KCND3: variants seen among roughly 807,000 people sequenced by gnomAD.
KCND3 encodes potassium voltage-gated channel subfamily D member 3, also known as A-type voltage-gated potassium channel KCND3.
KCND3 carries 9 observed loss-of-function variants against 51.1 expected under a neutral mutation model. That is an observed-to-expected ratio of 0.18 (90% CI 0.11 to 0.31). The LOEUF (loss-of-function observed/expected upper bound fraction) is 0.31, where lower values mean the gene tolerates loss of function less well. KCND3 is among the 10% of genes least tolerant of loss of function. KCND3 has a pLI of 1.00. For missense variants in KCND3, 526 were observed against 903.8 expected, an observed-to-expected ratio of 0.58 and a Z score of 5.36; for synonymous variants, 349 against 368.0, an observed-to-expected ratio of 0.95 and a Z score of 0.59.
chr1:111,964,349 C>T (rs1456638500), intron 2 of KCND3, among the ~76,000 whole-genome samples: 1 of 152,202 alleles, frequency 6.6e-6, no homozygotes, highest in Non-Finnish European at 1.5e-5. Flanking sequence ...GTACAGCCTC[C>T]CAACCTGCGG....
chr1:111,788,129 G>C (rs1027888714), intron 2 of KCND3, among the ~76,000 whole-genome samples: 2 of 152,184 alleles, frequency 1.3e-5, no homozygotes, highest in African/African-American at 2.4e-5. Flanking sequence ...CTCAGTCTTC[G>C]GCATGCAGGC....
chr1:111,793,049 A>G (rs1250116633), intron 2 of KCND3, among the ~76,000 whole-genome samples: 1 of 151,582 alleles, frequency 6.6e-6, no homozygotes, highest in African/African-American at 2.4e-5. Context: ...TACTTTTTGT[A>G]GAGGTGGGTT....
Position 111,981,512 on chromosome 1 carries a change from G to C in KCND3, c.1106+109C>G. 2.6e-6 allele frequency: 4 copies of C among 1,519,190 alleles called. No individual in the cohort carries two copies. Among genetic ancestry groups the C allele is most frequent in the Non-Finnish European group, 3.6e-6 (4 of 1,097,534 alleles). The allele number at this position is 1,519,190 out of a possible 1,614,324, so 94.1% of individuals were successfully genotyped here. A position where few individuals can be genotyped will look rare whatever the true frequency, so the allele number is the denominator to read the frequency against. ...AACTTCCCCTGCCCCCAACACTTGG[G>C]TAAGGGACTCCCTCCTCCTCTACCC... On this transcript the variant is annotated intron_variant, in intron 2 of 7. Transcript: ENST00000302127. This position sits in a 1 kb window ranked among gnomAD's most constrained non-coding sequence, Gnocchi z 6.2.
At chr1:111,966,222 C>T (rs1403049419) in intron 2 of KCND3, among the ~76,000 whole-genome samples, 2 of 152,228 alleles carry the variant, frequency 1.3e-5, no homozygotes, top group Admixed American at 1.3e-4. Flanking sequence ...ATTCAAATAA[C>T]TCAAGGTAAT....
intron 1 of KCND3, among the ~76,000 whole-genome samples, chr1:111,986,523 G>C (rs1432344800): frequency 6.6e-6 from 1 of 152,204 alleles, no homozygotes; most frequent in Non-Finnish European, 1.5e-5. Flanking sequence ...ATGAGGCCTT[G>C]CAATTCCAGT....
intron 2 of KCND3, among the ~76,000 whole-genome samples, chr1:111,947,930 G>T (rs897173611): frequency 6.6e-6 from 1 of 152,192 alleles, no homozygotes; most frequent in Admixed American, 6.5e-5. Context: ...CTCCAGTGGG[G>T]ACTATGTGTG....
chr1:111,967,832 A>G (rs1674092250), intron 2 of KCND3, among the ~76,000 whole-genome samples: 1 of 152,176 alleles, frequency 6.6e-6, no homozygotes, highest in Non-Finnish European at 1.5e-5. Context: ...GATACTGAGG[A>G]CTAGAGAGAG....
At chr1:111,869,352 C>T (rs72692563) in intron 2 of KCND3, among the ~76,000 whole-genome samples, 3 of 152,304 alleles carry the variant, frequency 2.0e-5, no homozygotes, top group Non-Finnish European at 4.4e-5. Flanking sequence ...GCTTCCTCCT[C>T]ACCTTCATCC....
At chr1:111,891,693 T>C (rs574067666) in intron 2 of KCND3, among the ~76,000 whole-genome samples, 4 of 152,372 alleles carry the variant, frequency 2.6e-5, no homozygotes, top group African/African-American at 7.2e-5. Flanking sequence ...ACAACTAGTA[T>C]GTAGATTCAC....
intron 2 of KCND3, among the ~76,000 whole-genome samples, chr1:111,807,928 G>A (rs895659284): frequency 5.3e-5 from 8 of 152,108 alleles, no homozygotes; most frequent in Non-Finnish European, 5.9e-5. Flanking sequence ...TATAATAAAG[G>A]CAAGCTTGAA....
chr1:111,822,598 T>C (rs1328992414), intron 2 of KCND3, among the ~76,000 whole-genome samples: 1 of 152,230 alleles, frequency 6.6e-6, no homozygotes, highest in Non-Finnish European at 1.5e-5. Context: ...AGTTTGCTTG[T>C]CCATTAATCC....
Position 111,786,865 on chromosome 1 carries a change from G to T in KCND3, c.1269+79C>A. On this transcript the variant is annotated intron_variant, in intron 3 of 7. Transcript: ENST00000302127. ...GCCATCTGTGCAGTGATCCTGTGAG[G>T]AGCTCTAGTCCTGGCTCCCTGACTG... The T allele has an allele frequency of 3.2e-6, 5 of 1,547,272 alleles. No individual in the cohort carries two copies. In the African/African-American group the frequency reaches 6.8e-5, roughly 21 times the overall value.
At chr1:111,776,374 G>A in intron 7 of KCND3, 96 bp from the exon 8 acceptor site, 4 of 1,154,214 alleles carry the variant, frequency 3.5e-6, no homozygotes, top group Non-Finnish European at 5.1e-6. Flanking sequence ...GTAACTAGGA[G>A]GATATTTTGT....
At chr1:111,954,305 G>A (rs1673214461) in intron 2 of KCND3, among the ~76,000 whole-genome samples, 2 of 152,210 alleles carry the variant, frequency 1.3e-5, no homozygotes, top group African/African-American at 2.4e-5. Context: ...AAAGGGACGA[G>A]GAGCTAACTG....
chr1:111,982,756 C>T lies in KCND3; in HGVS notation c.-30G>A, dbSNP rs753351881. On this transcript the variant is annotated 5_prime_UTR_variant, in exon 2 of 8. Transcript: ENST00000302127. The surrounding 1 kb of genome is among the most constrained non-coding windows in gnomAD (Gnocchi z 8.5). ...ACTCCAGCTCTTGGGCCGGCAGCCG[C>T]GCGGACGCTAGGCACACCAGCTTGG... 7.8e-5 allele frequency: 124 copies of T among 1,586,380 alleles called. 1 individual carries two copies. The highest frequency in any genetic ancestry group is 6.7e-4 in the Admixed American group (39 of 57,954).
chr1:111,809,598 G>A (rs1219614911), intron 2 of KCND3, among the ~76,000 whole-genome samples: 1 of 152,066 alleles, frequency 6.6e-6, no homozygotes, highest in African/African-American at 2.4e-5. Context: ...ATGAGCCACC[G>A]CGCCCAGCCA....
At chr1:111,805,328 G>A (rs1007650624) in intron 2 of KCND3, among the ~76,000 whole-genome samples, 4 of 152,210 alleles carry the variant, frequency 2.6e-5, no homozygotes, top group Non-Finnish European at 2.9e-5. Flanking sequence ...AACTCTTCCA[G>A]TCTGGCCAGA....
chr1:111,857,013 C>T (rs1668105968), intron 2 of KCND3: 1 of 152,288 alleles, frequency 6.6e-6, no homozygotes, highest in Admixed American at 6.5e-5. Context: ...CTGTGTCGGT[C>T]ACAGTCCCTG....
chr1:111,873,209 C>T (rs911378124), intron 2 of KCND3, among the ~76,000 whole-genome samples: 1 of 152,204 alleles, frequency 6.6e-6, no homozygotes. Flanking sequence ...AATGTCTCTG[C>T]CCTCTTCCAG....
Sources: allele counts gnomAD v4.1 joint callset (sites outside exome capture counted in the v4.1 genomes callset), GRCh38; gene constraint gnomAD v4.1.1; non-coding constraint Gnocchi (gnomAD v3.1); transcripts MANE v1.5; gene names NCBI Gene and HGNC (gene_info 2026-07-23, HGNC 2026-07-21).